EML6: variants seen among roughly 807,000 people sequenced by gnomAD.
The protein encoded by EML6 is EMAP like 6.
In EML6, 154 loss-of-function variants were observed where a neutral mutation model predicts 240.1. The observed-to-expected ratio is 0.64, with a 90% CI of 0.56 to 0.73. The LOEUF is 0.73. Among genes scored for constraint, EML6 ranks in the 30% least tolerant of loss-of-function variants. The pLI, the probability that EML6 is intolerant of heterozygous loss-of-function variation, is 0.00. For synonymous variants in EML6, 1,148 were observed against 899.0 expected (o/e 1.28, Z -4.95); for missense variants, 2,964 against 2,474.6 (o/e 1.20, Z -4.20).
intron 2 of EML6, among the ~76,000 whole-genome samples, chr2:54,728,900 C>T (rs1378725138): frequency 6.6e-6 from 1 of 152,164 alleles, no homozygotes; most frequent in Non-Finnish European, 1.5e-5. Flanking sequence ...CATATGATGA[C>T]TCTGTTCTTC....
intron 24 of EML6, among the ~76,000 whole-genome samples, chr2:54,908,602 C>G (rs1208820319): frequency 6.6e-6 from 1 of 152,236 alleles, no homozygotes; most frequent in Non-Finnish European, 1.5e-5. Context: ...TCCTCTCCCA[C>G]TCTTAGGCAG....
intron 2 of EML6, among the ~76,000 whole-genome samples, chr2:54,810,651 C>G (rs1258086254): frequency 1.3e-5 from 2 of 152,144 alleles, no homozygotes; most frequent in Admixed American, 6.5e-5. Context: ...TGGGTAGAAC[C>G]TCTTGCCTAT....
chr2:54,838,704 T>G (rs1669281747), intron 7 of EML6, among the ~76,000 whole-genome samples: 1 of 152,126 alleles, frequency 6.6e-6, no homozygotes, highest in South Asian at 2.1e-4. Context: ...AAGAGGATTT[T>G]TTTGGTTTAG....
At chr2:54,728,042 T>C (rs76183388) in intron 2 of EML6, among the ~76,000 whole-genome samples, 5,842 of 152,300 alleles carry the variant, frequency 0.038, 389 homozygotes, top group African/African-American at 0.13. Context: ...ATTTACTGAA[T>C]GTGGAGGCTT....
chr2:54,948,305 G>A (rs1675792914), intron 28 of EML6, among the ~76,000 whole-genome samples: 1 of 152,216 alleles, frequency 6.6e-6, no homozygotes, highest in African/African-American at 2.4e-5. Flanking sequence ...CGGAGTGGGA[G>A]GCGGGAGTGC....
At chr2:54,849,135 A>G (rs1669930750) in intron 9 of EML6, among the ~76,000 whole-genome samples, 1 of 152,250 alleles carries the variant, frequency 6.6e-6, no homozygotes, top group Non-Finnish European at 1.5e-5. Context: ...TTCTTTTTAA[A>G]ATTTTAAAAA....
intron 28 of EML6, among the ~76,000 whole-genome samples, chr2:54,938,358 G>A (rs1290499747): frequency 6.6e-6 from 1 of 152,164 alleles, no homozygotes; most frequent in Non-Finnish European, 1.5e-5. Context: ...GAAAGCTATA[G>A]ATACAGTTAC....
intron 2 of EML6, among the ~76,000 whole-genome samples, chr2:54,781,425 T>C (rs1668850839): frequency 6.6e-6 from 1 of 152,200 alleles, no homozygotes; most frequent in African/African-American, 2.4e-5. Flanking sequence ...TTGGTCCACA[T>C]AGGAATTAAA....
At chr2:54,900,464 A>G (rs10171653) in intron 22 of EML6, among the ~76,000 whole-genome samples, 124,883 of 152,186 alleles carry the variant, frequency 0.82, 51,520 homozygotes, top group Middle Eastern at 0.9. Context: ...ATAGTGCAGC[A>G]CTATGCAGCT....
intron 5 of EML6, among the ~76,000 whole-genome samples, chr2:54,824,679 C>G (rs1176866669): frequency 6.6e-6 from 1 of 152,104 alleles, no homozygotes; most frequent in South Asian, 2.1e-4. Flanking sequence ...AGTTGAGCAT[C>G]GGCTGCTTCA....
At chr2:54,894,220 C>G (rs1672638612) in intron 19 of EML6, among the ~76,000 whole-genome samples, 1 of 150,656 alleles carries the variant, frequency 6.6e-6, no homozygotes, top group Non-Finnish European at 1.5e-5. Flanking sequence ...AAAAAAACCT[C>G]TAAGAACAGT....
At chr2:54,911,187 A>G (rs892505724) in intron 25 of EML6, 145 bp downstream of exon 25, 21 of 516,024 alleles carry the variant, frequency 4.1e-5, no homozygotes, top group Admixed American at 1.3e-4. Context: ...TGATTGCTTA[A>G]TCTGGTTTCC....
At chr2:54,873,153 G>A (rs1345733007) in intron 16 of EML6, among the ~76,000 whole-genome samples, 1 of 152,186 alleles carries the variant, frequency 6.6e-6, no homozygotes, top group Non-Finnish European at 1.5e-5. Context: ...CCACGTTTGG[G>A]TGAAAACTAC....
chr2:54,810,597 T>C (rs766258408), intron 2 of EML6, among the ~76,000 whole-genome samples: 4 of 152,238 alleles, frequency 2.6e-5, no homozygotes, highest in Non-Finnish European at 5.9e-5. Flanking sequence ...AAAGTGTTTC[T>C]GGCCTTCCAG....
At chr2:54,898,128 G>T (rs1431777582) in intron 21 of EML6, among the ~76,000 whole-genome samples, 1 of 152,086 alleles carries the variant, frequency 6.6e-6, no homozygotes, top group African/African-American at 2.4e-5. Flanking sequence ...TCAGCTCGCA[G>T]TTGTACAGCT....
intron 17 of EML6, among the ~76,000 whole-genome samples, chr2:54,884,235 G>T (rs570326612): frequency 6.6e-6 from 1 of 152,146 alleles, no homozygotes; most frequent in Non-Finnish European, 1.5e-5. Flanking sequence ...TATTACAAAG[G>T]TTATGGTTGG....
At chr2:54,809,422 A>G (rs1433411866) in intron 2 of EML6, among the ~76,000 whole-genome samples, 1 of 152,212 alleles carries the variant, frequency 6.6e-6, no homozygotes, top group African/African-American at 2.4e-5. Context: ...AGATCTTATC[A>G]AAAGCCCAGG....
intron 9 of EML6, 118 bp downstream of exon 9, chr2:54,847,741 A>ATCTTAG: frequency 9.6e-7 from 1 of 1,036,730 alleles, no homozygotes; most frequent in Non-Finnish European, 1.4e-6. Flanking sequence ...TTCAAATAGG[A>ATCTTAG]ATACTATAGA....
At chr2:54,953,699 C>A (rs1306581170) in intron 31 of EML6, among the ~76,000 whole-genome samples, 1 of 152,090 alleles carries the variant, frequency 6.6e-6, no homozygotes, top group Non-Finnish European at 1.5e-5. Context: ...CCAGCCTGGC[C>A]AACATGGTGA....
Sources: gnomAD v4.1 joint callset for allele counts (sites outside exome capture counted in the v4.1 genomes callset) on GRCh38, gnomAD v4.1.1 for gene constraint, MANE v1.5 for transcripts, NCBI Gene and HGNC (gene_info 2026-07-23, HGNC 2026-07-21) for gene names.